The following WDR49 variants were observed in gnomAD, a reference collection of about 807,000 sequenced individuals.
The protein encoded by WDR49 is cilia- and flagella-associated protein 337.
Under a neutral mutation model 119.5 loss-of-function variants are expected in WDR49, and 107 were observed. The observed-to-expected ratio is 0.90, with a 90% CI of 0.77 to 1.05. WDR49 has a LOEUF of 1.05. Among genes scored for constraint, WDR49 ranks in the 50% least tolerant of loss-of-function variants. The pLI, the probability that WDR49 is intolerant of heterozygous loss-of-function variation, is 0.00. For missense variants in WDR49, 1,240 were observed against 1,220.5 expected, an observed-to-expected ratio of 1.02 and a Z score of -0.24; for synonymous variants, 425 against 418.8, an observed-to-expected ratio of 1.01 and a Z score of -0.18.
At chr3:167,526,108 G>C (rs941318717) in intron 15 of WDR49, among the ~76,000 whole-genome samples, 1 of 152,000 alleles carries the variant, frequency 6.6e-6, no homozygotes, top group Non-Finnish European at 1.5e-5. Context: ...TTGTAAAACT[G>C]ACCCAGCTCT....
chr3:167,495,881 T>C (rs1190560097), intron 18 of WDR49, among the ~76,000 whole-genome samples: 14 of 84,178 alleles, frequency 1.7e-4, no homozygotes, highest in African/African-American at 8.4e-4. Flanking sequence ...CTTTAAAAAT[T>C]TGAAAAAAAA....
At chr3:167,619,378 AC>A (rs1219529426) in intron 5 of WDR49, among the ~76,000 whole-genome samples, 1 of 152,168 alleles carries the variant, frequency 6.6e-6, no homozygotes, top group Non-Finnish European at 1.5e-5. Context: ...TTAGCAGATG[AC>A]CAAAAACTGT....
At chr3:167,609,087 A>C (rs1716204867) in intron 5 of WDR49, among the ~76,000 whole-genome samples, 1 of 152,140 alleles carries the variant, frequency 6.6e-6, no homozygotes, top group Admixed American at 6.5e-5. Flanking sequence ...GAGTAAGATA[A>C]AATAAGGCAC....
At chr3:167,568,971 C>G (rs1713769445) in intron 8 of WDR49, among the ~76,000 whole-genome samples, 1 of 149,790 alleles carries the variant, frequency 6.7e-6, no homozygotes, top group Admixed American at 6.6e-5. Context: ...AGACAAGAGT[C>G]TTGCTCTGTC....
At chr3:167,587,372 A>C (rs1714872605) in intron 7 of WDR49, among the ~76,000 whole-genome samples, 1 of 152,246 alleles carries the variant, frequency 6.6e-6, no homozygotes, top group South Asian at 2.1e-4. Context: ...TTAGACTCAA[A>C]GTAATATGTC....
At chr3:167,602,059 C>T in intron 7 of WDR49, 68 bp downstream of exon 7, 3 of 1,490,586 alleles carry the variant, frequency 2.0e-6, no homozygotes, top group Non-Finnish European at 2.7e-6. Context: ...AAATTCAGAT[C>T]CCAGAGTTGA....
At chr3:167,493,202 G>T (rs1340291358) in intron 18 of WDR49, among the ~76,000 whole-genome samples, 1 of 152,156 alleles carries the variant, frequency 6.6e-6, no homozygotes, top group Non-Finnish European at 1.5e-5. Context: ...CCAGTACCAA[G>T]CTCTCGCAGT....
intron 5 of WDR49, among the ~76,000 whole-genome samples, chr3:167,607,269 A>G (rs1211532206): frequency 6.6e-6 from 1 of 152,176 alleles, no homozygotes; most frequent in African/African-American, 2.4e-5. Context: ...TCAGGAAAGA[A>G]TAAGCAGGAG....
At chr3:167,496,068 G>C (rs1751344153) in intron 18 of WDR49, among the ~76,000 whole-genome samples, 1 of 151,924 alleles carries the variant, frequency 6.6e-6, no homozygotes. Context: ...TCAGACTGAA[G>C]GAAAATGGTC....
intron 16 of WDR49, among the ~76,000 whole-genome samples, chr3:167,516,143 T>C (rs1752191852): frequency 6.6e-6 from 1 of 152,200 alleles, no homozygotes; most frequent in South Asian, 2.1e-4. Context: ...AGGGTACATG[T>C]GCACAACGTG....
chr3:167,567,752 G>T (rs1264556660), intron 8 of WDR49, among the ~76,000 whole-genome samples: 1 of 152,202 alleles, frequency 6.6e-6, no homozygotes, highest in Non-Finnish European at 1.5e-5. Context: ...GATGCCTTTA[G>T]TCTTGAAATC....
At chr3:167,557,702 GA>G (rs1348031852) in intron 9 of WDR49, among the ~76,000 whole-genome samples, 5 of 149,662 alleles carry the variant, frequency 3.3e-5, no homozygotes, top group Non-Finnish European at 5.9e-5. Flanking sequence ...GCAGTGAGCT[GA>G]GATCGTGCCA....
chr3:167,603,145 G>A (rs1279525175), intron 6 of WDR49, among the ~76,000 whole-genome samples: 2 of 152,100 alleles, frequency 1.3e-5, no homozygotes, highest in Non-Finnish European at 2.9e-5. Flanking sequence ...ACATCAATCA[G>A]TTATATTTAG....
intron 18 of WDR49, among the ~76,000 whole-genome samples, chr3:167,492,909 C>A (rs1485128305): frequency 1.4e-5 from 2 of 147,038 alleles, no homozygotes; most frequent in African/African-American, 5.1e-5. Context: ...CGTAGAAGGA[C>A]CAGGAGTGGA....
intron 16 of WDR49, 48 bp from the exon 17 acceptor site, chr3:167,505,464 G>A (rs757461723): frequency 3.2e-5 from 47 of 1,451,106 alleles, no homozygotes; most frequent in Non-Finnish European, 4.1e-5. Context: ...CCACAGGGAT[G>A]GAGAAACTCT....
chr3:167,558,339 G>C (rs1263762702), intron 9 of WDR49, among the ~76,000 whole-genome samples: 1 of 152,078 alleles, frequency 6.6e-6, no homozygotes, highest in East Asian at 1.9e-4. Context: ...ATAATTTTAA[G>C]TCTTTGATTA....
intron 18 of WDR49, among the ~76,000 whole-genome samples, chr3:167,496,896 T>G (rs928731342): frequency 2.6e-5 from 4 of 151,182 alleles, no homozygotes; most frequent in Non-Finnish European, 4.4e-5. Flanking sequence ...TCCAAACACA[T>G]TTGACTTTAC....
At position 167,553,590 on chromosome 3, in the gene WDR49, G is replaced by T. The variant is rs116516928; in HGVS notation, c.1823+1060C>A. On this transcript the variant is annotated intron_variant, in intron 10 of 18. Transcript: ENST00000682715. ...TTTAAAACTTAAATTGGATCAGCTGGACACCACACATGGTAGAGAGCTAAA... is the reference window on the plus strand; with the variant it reads ...TTTAAAACTTAAATTGGATCAGCTGTACACCACACATGGTAGAGAGCTAAA... Among the ~76,000 whole-genome samples, 629 of 152,148 alleles carry T rather than the reference G, an allele frequency of 4.1e-3. 2 individuals are homozygous for T. Among genetic ancestry groups the T allele is most frequent in the African/African-American group, 0.015 (605 of 41,512 alleles).
intron 10 of WDR49, among the ~76,000 whole-genome samples, chr3:167,548,074 T>C (rs115873850): frequency 0.016 from 2,359 of 152,166 alleles, 43 homozygotes; most frequent in African/African-American, 0.049. Context: ...TCCATCTGAA[T>C]ACTTTGATAA....
Sources: allele counts gnomAD v4.1 joint callset (sites outside exome capture counted in the v4.1 genomes callset), GRCh38; gene constraint gnomAD v4.1.1; transcripts MANE v1.5; gene names NCBI Gene and HGNC (gene_info 2026-07-23, HGNC 2026-07-21).